Variants in EPB41L2 observed in about 807,000 individuals in gnomAD.
The protein encoded by EPB41L2 is erythrocyte membrane protein band 4.1 like 2, also known as band 4.1-like protein 2.
EPB41L2 carries 43 observed loss-of-function variants against 113.0 expected under a neutral mutation model. The ratio of observed to expected loss-of-function variants is 0.38; its 90% CI spans 0.30 to 0.49. The LOEUF (loss-of-function observed/expected upper bound fraction) is 0.49. Among genes scored for constraint, EPB41L2 ranks in the 20% least tolerant of loss-of-function variants. The pLI, the probability that EPB41L2 is intolerant of heterozygous loss-of-function variation, is 0.95. For missense variants in EPB41L2, 1,147 were observed against 1,223.4 expected (o/e 0.94, Z 0.93); for synonymous variants, 442 against 436.7 (o/e 1.01, Z -0.15).
In EPB41L2 at chr6:130,863,733, G is replaced by C; in HGVS notation, c.2830-15C>G. 1 of 1,598,652 alleles carries C rather than the reference G, an allele frequency of 6.3e-7. No homozygotes were observed. The highest frequency in any genetic ancestry group is 8.6e-7 in the Non-Finnish European group (1 of 1,167,176). ...CCTTTTACAGTCTAAAGGTCATAAAGGAGAAGAAGAAAAAACAGCAATCAC... is the reference window on the plus strand; with the variant it reads ...CCTTTTACAGTCTAAAGGTCATAAACGAGAAGAAGAAAAAACAGCAATCAC... On this transcript the variant is annotated splice_polypyrimidine_tract_variant and intron_variant, in intron 17 of 19. Transcript: ENST00000337057.
intron 5 of EPB41L2, among the ~76,000 whole-genome samples, chr6:130,904,929 TTA>T (rs869230322): frequency 0.019 from 1,623 of 84,740 alleles, 14 homozygotes; most frequent in African/African-American, 0.05. Flanking sequence ...TTTTTTTTTT[TTA>T]AAATTCAGGA....
At chr6:130,947,732 C>A (rs1813425003) in intron 3 of EPB41L2, among the ~76,000 whole-genome samples, 1 of 152,076 alleles carries the variant, frequency 6.6e-6, no homozygotes, top group Non-Finnish European at 1.5e-5. Flanking sequence ...ACTCTGGGCT[C>A]CACTCCTGAG....
chr6:130,963,738 C>CA (rs1431026529), intron 1 of EPB41L2, among the ~76,000 whole-genome samples: 3 of 152,184 alleles, frequency 2.0e-5, no homozygotes, highest in Admixed American at 2.0e-4. Context: ...TAAAGCTAAA[C>CA]AACCAGAGGC....
chr6:130,846,799 G>A (rs1411883511), intron 19 of EPB41L2, among the ~76,000 whole-genome samples: 1 of 152,094 alleles, frequency 6.6e-6, no homozygotes, highest in African/African-American at 2.4e-5. Context: ...ACTTCAAATA[G>A]TAATAAAGAT....
rs1027922857 is a variant in EPB41L2 at position 130,840,411 on chromosome 6, A to C, written c.*193T>G. 1 of 152,206 alleles carries C rather than the reference A, an allele frequency of 6.6e-6. No individual in the cohort carries two copies. The highest frequency in any genetic ancestry group is 2.4e-5 in the African/African-American group (1 of 41,462). 9.4% of individuals were successfully genotyped at this position (152,206 alleles called of 1,614,324 possible). On this transcript the variant is annotated 3_prime_UTR_variant, in exon 20 of 20. Coordinates refer to ENST00000337057, the MANE Select transcript of EPB41L2 (RefSeq NM_001431.4). ...TAAAACAAAATAATATATTAAATGCATGGGAGCAATATAGACCAGAGCTGG... is the reference window on the plus strand; with the variant it reads ...TAAAACAAAATAATATATTAAATGCCTGGGAGCAATATAGACCAGAGCTGG...
chr6:130,983,159 A>G (rs900316684), intron 1 of EPB41L2, among the ~76,000 whole-genome samples: 1 of 152,218 alleles, frequency 6.6e-6, no homozygotes, highest in Non-Finnish European at 1.5e-5. Context: ...AAGTTCTCAA[A>G]AAGATTTCAT....
At chr6:130,950,476 GTAAC>G (rs1814522806) in intron 3 of EPB41L2, among the ~76,000 whole-genome samples, 1 of 151,990 alleles carries the variant, frequency 6.6e-6, no homozygotes, top group Non-Finnish European at 1.5e-5. Flanking sequence ...ATTAATTGCT[GTAAC>G]TAACTCGGGA....
Position 130,870,278 on chromosome 6 carries a change from G to C in EPB41L2, c.2044-152C>G, listed in dbSNP as rs750037000. ...GAAAGGGAAGCGGGGCAAACGTGAGGGCAATGAGAAACGTGAGGCAATGGT... is the reference window on the plus strand; with the variant it reads ...GAAAGGGAAGCGGGGCAAACGTGAGCGCAATGAGAAACGTGAGGCAATGGT... On this transcript the variant is annotated intron_variant, in intron 14 of 19. Coordinates refer to ENST00000337057, the MANE Select transcript of EPB41L2 (RefSeq NM_001431.4). The C allele has an allele frequency of 8.4e-6, 13 of 1,546,208 alleles. No individual in the cohort carries two copies. In the South Asian group the frequency reaches 1.4e-4, roughly 17 times the overall value.
At chr6:131,045,231 A>G (rs185083794) in intron 1 of EPB41L2, among the ~76,000 whole-genome samples, 1 of 147,182 alleles carries the variant, frequency 6.8e-6, no homozygotes, top group Non-Finnish European at 1.5e-5. Flanking sequence ...ATTAGTGCAT[A>G]CTATGTACCC....
chr6:130,964,074 T>A (rs1343335532), intron 1 of EPB41L2, among the ~76,000 whole-genome samples: 3 of 151,944 alleles, frequency 2.0e-5, no homozygotes, highest in Admixed American at 2.0e-4. Flanking sequence ...AGGGCTGAAG[T>A]GCCATGGCAT....
intron 1 of EPB41L2, among the ~76,000 whole-genome samples, chr6:130,957,278 T>C (rs1817749855): frequency 6.6e-6 from 1 of 152,236 alleles, no homozygotes; most frequent in East Asian, 1.9e-4. Flanking sequence ...CGATTGTTCT[T>C]ATCATAACTA....
chr6:130,981,120 T>C (rs1378257322), intron 1 of EPB41L2, among the ~76,000 whole-genome samples: 1 of 152,212 alleles, frequency 6.6e-6, no homozygotes, highest in African/African-American at 2.4e-5. Flanking sequence ...TATAAACATA[T>C]GGCTTAAAAC....
intron 1 of EPB41L2, among the ~76,000 whole-genome samples, chr6:131,019,529 G>A (rs1788980319): frequency 6.6e-6 from 1 of 152,064 alleles, no homozygotes; most frequent in Admixed American, 6.5e-5. Flanking sequence ...TATAATGTTG[G>A]ATTTTATTTT....
chr6:130,996,519 T>C (rs977622394), intron 1 of EPB41L2, among the ~76,000 whole-genome samples: 1 of 152,260 alleles, frequency 6.6e-6, no homozygotes, highest in Non-Finnish European at 1.5e-5. Context: ...CCTATGTCTT[T>C]CTGATGCACA....
rs116458997 is a variant in EPB41L2, at chr6:130,923,096, C to T, written c.810+3509G>A. Among the ~76,000 whole-genome samples the T allele has an allele frequency of 5.7e-3, 868 of 152,270 alleles. 6 individuals are homozygous for T. The highest frequency in any genetic ancestry group is 0.019 in the African/African-American group (771 of 41,544). On this transcript the variant is annotated intron_variant, in intron 4 of 19. Coordinates refer to ENST00000337057, the MANE Select transcript of EPB41L2 (RefSeq NM_001431.4). The stretch of plus-strand genomic sequence containing the variant: ...GAACAACTCCAACCATCCAGAAACC[C>T]AGGCCTTAATTCTTGGTATCTGTCA...
chr6:131,032,226 G>T (rs1792310336), intron 1 of EPB41L2, among the ~76,000 whole-genome samples: 2 of 150,956 alleles, frequency 1.3e-5, no homozygotes, highest in African/African-American at 4.9e-5. Flanking sequence ...TGGTATAGTG[G>T]TTTACAAAGC....
chr6:130,976,738 C>T (rs746283374), intron 1 of EPB41L2, among the ~76,000 whole-genome samples: 4 of 152,186 alleles, frequency 2.6e-5, no homozygotes, highest in Non-Finnish European at 4.4e-5. Flanking sequence ...TCAAAAGCAC[C>T]ACTTTTTAAA....
chr6:130,875,012 C>T (rs906869998), intron 14 of EPB41L2, among the ~76,000 whole-genome samples: 1 of 152,148 alleles, frequency 6.6e-6, no homozygotes, highest in African/African-American at 2.4e-5. Flanking sequence ...GTCTAATTGG[C>T]TTTGGTTTCA....
rs143476515 is a variant in EPB41L2 at position 130,985,960 on chromosome 6, C to T, written c.-14-29461G>A. On this transcript the variant is annotated intron_variant, in intron 1 of 19. Coordinates refer to ENST00000337057, the MANE Select transcript of EPB41L2 (RefSeq NM_001431.4). ...CATATTTATCACCCCGAAAAGAAAC[C>T]CTTCCTAACCCATTCTATAGGGCCT... Among the ~76,000 whole-genome samples the T allele has an allele frequency of 3.3e-3, 497 of 152,068 alleles. 3 individuals are homozygous for T. Among genetic ancestry groups the T allele is most frequent in the African/African-American group, 0.012 (480 of 41,502 alleles).
Sources: gnomAD v4.1 joint callset for allele counts (sites outside exome capture counted in the v4.1 genomes callset) on GRCh38, gnomAD v4.1.1 for gene constraint, MANE v1.5 for transcripts, NCBI Gene and HGNC (gene_info 2026-07-23, HGNC 2026-07-21) for gene names.